CHRM3: variants seen among roughly 807,000 people sequenced by gnomAD.
CHRM3 encodes the protein muscarinic acetylcholine receptor M3.
Under a neutral mutation model 41.8 loss-of-function variants are expected in CHRM3, and 11 were observed. The ratio of observed to expected loss-of-function variants is 0.26; its 90% CI spans 0.17 to 0.44. The LOEUF is 0.44. CHRM3 is among the 20% of genes least tolerant of loss of function. CHRM3 has a pLI of 1.00. For missense variants in CHRM3, 571 were observed against 745.4 expected, an observed-to-expected ratio of 0.77 and a Z score of 2.72; for synonymous variants, 297 against 301.4, an observed-to-expected ratio of 0.99 and a Z score of 0.15.
chr1:239,723,507 A>G (rs1361443294), intron 5 of CHRM3, among the ~76,000 whole-genome samples: 1 of 151,950 alleles, frequency 6.6e-6, no homozygotes, highest in Non-Finnish European at 1.5e-5. Flanking sequence ...CAAATTCAAT[A>G]CTGAGACAAA....
chr1:239,899,386 CACATAT>C (rs1679305157), intron 6 of CHRM3, among the ~76,000 whole-genome samples: 1 of 149,426 alleles, frequency 6.7e-6, no homozygotes, highest in Admixed American at 6.7e-5. Context: ...CATATATAAA[CACATAT>C]ACATATACAC....
At chr1:239,435,313 G>A (rs1430264100) in intron 1 of CHRM3, among the ~76,000 whole-genome samples, 1 of 152,008 alleles carries the variant, frequency 6.6e-6, no homozygotes, top group Non-Finnish European at 1.5e-5. Context: ...AGCCGGGTGT[G>A]GTGGCGGGTG....
intron 3 of CHRM3, among the ~76,000 whole-genome samples, chr1:239,550,313 T>C (rs1659695691): frequency 1.3e-5 from 2 of 152,230 alleles, no homozygotes; most frequent in South Asian, 4.1e-4. Flanking sequence ...CTGTACTGTG[T>C]GCATGCCTAT....
chr1:239,526,335 T>G (rs1219428955), intron 2 of CHRM3, among the ~76,000 whole-genome samples: 1 of 152,210 alleles, frequency 6.6e-6, no homozygotes, highest in African/African-American at 2.4e-5. Context: ...AGTGAAATCT[T>G]ACTTTCTGAA....
At chr1:239,618,309 G>A (rs1233777960) in intron 3 of CHRM3, among the ~76,000 whole-genome samples, 1 of 135,630 alleles carries the variant, frequency 7.4e-6, no homozygotes, top group Non-Finnish European at 1.5e-5. Flanking sequence ...GACAAGCAGA[G>A]TGGTAAGGCA....
chr1:239,737,524 T>C (rs962985598), intron 5 of CHRM3, among the ~76,000 whole-genome samples: 8 of 152,190 alleles, frequency 5.3e-5, no homozygotes, highest in Non-Finnish European at 1.0e-4. Flanking sequence ...AGTTCAAAAC[T>C]AAAGCCCTGA....
chr1:239,904,760 A>G (rs908527278), intron 6 of CHRM3, among the ~76,000 whole-genome samples: 2 of 152,232 alleles, frequency 1.3e-5, no homozygotes, highest in Admixed American at 1.3e-4. Flanking sequence ...TATTTCAGCT[A>G]TGGGAAAATA....
intron 6 of CHRM3, among the ~76,000 whole-genome samples, chr1:239,895,365 G>C (rs1678907308): frequency 6.6e-6 from 1 of 152,146 alleles, no homozygotes; most frequent in Non-Finnish European, 1.5e-5. Flanking sequence ...CCAGTCCTCT[G>C]CTCTCCATCC....
intron 5 of CHRM3, among the ~76,000 whole-genome samples, chr1:239,761,650 G>A (rs561429341): frequency 3.3e-5 from 5 of 152,208 alleles, no homozygotes; most frequent in South Asian, 2.1e-4. Context: ...CGGAGTGCTC[G>A]GCCAGATGCC....
intron 5 of CHRM3, among the ~76,000 whole-genome samples, chr1:239,814,856 C>T (rs1380674731): frequency 1.3e-5 from 2 of 152,174 alleles, no homozygotes; most frequent in African/African-American, 4.8e-5. Context: ...AGTCTCGGCT[C>T]ACGGCAACCT....
intron 5 of CHRM3, among the ~76,000 whole-genome samples, chr1:239,710,443 T>G (rs1374896606): frequency 3.3e-5 from 5 of 152,094 alleles, no homozygotes; most frequent in African/African-American, 9.7e-5. Flanking sequence ...CCTGACAACC[T>G]AAATGATGAG....
intron 3 of CHRM3, among the ~76,000 whole-genome samples, chr1:239,548,465 T>G (rs1659499373): frequency 6.6e-6 from 1 of 152,228 alleles, no homozygotes; most frequent in Non-Finnish European, 1.5e-5. Context: ...CTTATCTGAC[T>G]TGCTTATAAT....
At position 239,864,553 on chromosome 1, in the gene CHRM3, CACACACAT is replaced by C. The variant is rs1397671536; in HGVS notation, c.-20+37177_-20+37184del. On this transcript the variant is annotated intron_variant, in intron 6 of 6. Coordinates refer to ENST00000676153, the MANE Select transcript of CHRM3 (RefSeq NM_001375978.1). The stretch of plus-strand genomic sequence containing the variant: ...ACACACACACACACACACGCACACA[CACACACAT>C]ATACATATATACATATATATGTATG... 3.2e-4 allele frequency among the ~76,000 whole-genome samples: 46 copies of C among 144,096 alleles called. 1 individual carries two copies. Among genetic ancestry groups the C allele is most frequent in the African/African-American group, 1.3e-3 (46 of 34,446 alleles). The allele number at this position is 144,096 out of a possible 152,430, so 94.5% of individuals were successfully genotyped here. A position where few individuals can be genotyped will look rare whatever the true frequency, so the allele number is the denominator to read the frequency against.
chr1:239,823,118 A>G (rs189842406), intron 5 of CHRM3, among the ~76,000 whole-genome samples: 196 of 152,364 alleles, frequency 1.3e-3, no homozygotes, highest in Middle Eastern at 6.8e-3. Flanking sequence ...ATCCTCGCAC[A>G]TAACCTAATA....
chr1:239,458,505 C>T (rs978734458), intron 1 of CHRM3, among the ~76,000 whole-genome samples: 1 of 152,084 alleles, frequency 6.6e-6, no homozygotes, highest in African/African-American at 2.4e-5. Flanking sequence ...TCCCTACTAT[C>T]TTAGTACTAA....
At chr1:239,844,708 T>C (rs914782166) in intron 6 of CHRM3, among the ~76,000 whole-genome samples, 3 of 152,206 alleles carry the variant, frequency 2.0e-5, no homozygotes, top group African/African-American at 7.2e-5. Flanking sequence ...AGTAGACTAT[T>C]ATTATCAAGA....
chr1:239,573,010 A>G (rs1420416241), intron 3 of CHRM3, among the ~76,000 whole-genome samples: 1 of 152,058 alleles, frequency 6.6e-6, no homozygotes, highest in Non-Finnish European at 1.5e-5. Flanking sequence ...ATTCATCCCT[A>G]AGCTTCCAGG....
At chr1:239,501,141 G>A (rs900509646) in intron 2 of CHRM3, among the ~76,000 whole-genome samples, 2 of 152,098 alleles carry the variant, frequency 1.3e-5, no homozygotes, top group Admixed American at 1.3e-4. Flanking sequence ...ATTACTAATA[G>A]ACTTAAGAAA....
At chr1:239,674,943 C>T (rs943970848) in intron 4 of CHRM3, among the ~76,000 whole-genome samples, 9 of 152,116 alleles carry the variant, frequency 5.9e-5, no homozygotes, top group Non-Finnish European at 1.3e-4. Flanking sequence ...TACTCCTCCT[C>T]GCTGTCTCTG....
Sources: gnomAD v4.1 joint callset for allele counts (sites outside exome capture counted in the v4.1 genomes callset) on GRCh38, gnomAD v4.1.1 for gene constraint, MANE v1.5 for transcripts, NCBI Gene and HGNC (gene_info 2026-07-23, HGNC 2026-07-21) for gene names.